The following KIAA1549 variants were observed in gnomAD, a reference collection of about 807,000 sequenced individuals.
KIAA1549 encodes KIAA1549.
A neutral mutation model predicts 156.4 loss-of-function variants in KIAA1549; 70 were observed. The ratio of observed to expected loss-of-function variants is 0.45; its 90% CI spans 0.37 to 0.55. The LOEUF is 0.55. Ranked by LOEUF, KIAA1549 falls within the 20% of genes least tolerant of loss-of-function variation. The pLI, the probability that KIAA1549 is intolerant of heterozygous loss-of-function variation, is 0.00. For missense variants in KIAA1549, 2,428 were observed against 2,540.9 expected (o/e 0.96, Z 0.96); for synonymous variants, 1,103 against 1,066.4 (o/e 1.03, Z -0.67).
intron 1 of KIAA1549, among the ~76,000 whole-genome samples, chr7:138,971,976 G>A (rs1814233614): frequency 6.6e-6 from 1 of 152,182 alleles, no homozygotes; most frequent in African/African-American, 2.4e-5. Context: ...CCTTCCTGCT[G>A]AAGGTGGAGG....
rs778886161 is a variant in KIAA1549, at chr7:138,919,004, C to T, written c.622G>A (p.Val208Met). The T allele has an allele frequency of 1.9e-6, 3 of 1,614,046 alleles. No homozygotes were observed. In the South Asian group the frequency reaches 3.3e-5, roughly 18 times the overall value. The change falls in exon 2 of 20, where the codon GTG becomes ATG. Residue 208 changes from valine to methionine, a missense_variant. Coordinates refer to ENST00000422774, the MANE Select transcript of KIAA1549 (RefSeq NM_001164665.2). ...GTTGTGTTCTGCCAGCCCGATGTCA[C>T]TTCTTCATCTTGTAAAGAAACCATG... Reference protein sequence around the residue: ...LPMVSLQDEEVTSGWQNTTRQ... With the variant: ...LPMVSLQDEEMTSGWQNTTRQ...
intron 5 of KIAA1549, among the ~76,000 whole-genome samples, chr7:138,907,504 A>G (rs1378804819): frequency 6.6e-6 from 1 of 152,230 alleles, no homozygotes; most frequent in Admixed American, 6.5e-5. Flanking sequence ...CAAAACATAC[A>G]CAAGCATGGG....
Position 138,869,609 on chromosome 7 carries a change from T to C in KIAA1549, c.4704A>G (p.Ala1568=). The C allele has an allele frequency of 1.2e-6, 2 of 1,605,020 alleles. No homozygotes were observed. The highest frequency in any genetic ancestry group is 1.7e-6 in the Non-Finnish European group (2 of 1,176,998). The change falls in exon 14 of 20, where the codon GCA becomes GCG. Residue 1568 remains alanine, a synonymous_variant. Transcript: ENST00000422774. ...TKERHRVYRR[A]QMQIDKILDP... The stretch of plus-strand genomic sequence containing the variant: ...CCAGGATCTTGTCGATCTGCATCTG[T>C]GCCCTGCGGTACACCCGGTGTCGCT...
At chr7:138,963,392 G>T (rs773710617) in intron 1 of KIAA1549, among the ~76,000 whole-genome samples, 6 of 152,194 alleles carry the variant, frequency 3.9e-5, no homozygotes, top group Non-Finnish European at 8.8e-5. Context: ...GCCTGATAGG[G>T]TACACATTCT....
chr7:138,912,431 T>G lies in KIAA1549; in HGVS notation c.2908A>C (p.Ile970Leu), dbSNP rs1480894195. 1.2e-6 allele frequency: 2 copies of G among 1,613,846 alleles called. No individual in the cohort carries two copies. Among genetic ancestry groups the G allele is most frequent in the Admixed American group, 3.3e-5 (2 of 60,022 alleles). The change falls in exon 3 of 20, where the codon ATC becomes CTC. Residue 970 changes from isoleucine to leucine, a missense_variant. Physicochemically the swap from Ile to Leu is conservative, Grantham distance 5 (BLOSUM62 2). Transcript: ENST00000422774. ...VLARRAVQEY[I>L]ITAIKEVLRI... ...AGTACTTCTTTGATTGCTGTAATGA[T>G]GTACTCCTGCACAGCTCTTCTGGCC...
intron 17 of KIAA1549, among the ~76,000 whole-genome samples, chr7:138,849,741 AAT>A (rs1207815484): frequency 6.6e-6 from 1 of 151,876 alleles, no homozygotes; most frequent in Non-Finnish European, 1.5e-5. Context: ...AGTGGGCCCC[AAT>A]GTCTGTTGTT....
At chr7:138,960,798 T>C (rs532557) in intron 1 of KIAA1549, among the ~76,000 whole-genome samples, 44,753 of 152,066 alleles carry the variant, frequency 0.29, 7,801 homozygotes, top group African/African-American at 0.5. Flanking sequence ...CGCTTTCTAA[T>C]GCCCTGTAGG....
chr7:138,963,996 A>G (rs932937354), intron 1 of KIAA1549, among the ~76,000 whole-genome samples: 41 of 152,360 alleles, frequency 2.7e-4, no homozygotes, highest in African/African-American at 8.4e-4. Context: ...TCATCATGGA[A>G]TTTTAACTTT....
chr7:138,927,832 T>C (rs1447364666), intron 1 of KIAA1549, among the ~76,000 whole-genome samples: 3 of 152,184 alleles, frequency 2.0e-5, no homozygotes, highest in Non-Finnish European at 1.5e-5. Context: ...TGAAACCTTG[T>C]GGTTTTAATT....
At chr7:138,847,471 A>G (rs574154006) in intron 17 of KIAA1549, among the ~76,000 whole-genome samples, 5 of 152,324 alleles carry the variant, frequency 3.3e-5, no homozygotes, top group South Asian at 2.1e-4. Context: ...TAGGAAGCAG[A>G]TAACATTCCT....
At chr7:138,916,451 T>G (rs939621731) in intron 2 of KIAA1549, among the ~76,000 whole-genome samples, 1 of 152,204 alleles carries the variant, frequency 6.6e-6, no homozygotes, top group African/African-American at 2.4e-5. Flanking sequence ...ATGCCTCTGA[T>G]GTACTAGGCA....
At chr7:138,847,976 T>C (rs144829893) in intron 17 of KIAA1549, among the ~76,000 whole-genome samples, 144 of 152,382 alleles carry the variant, frequency 9.4e-4, no homozygotes, top group Middle Eastern at 3.4e-3. Flanking sequence ...TTTTTTTCTT[T>C]TCTGTTTGTT....
intron 9 of KIAA1549, among the ~76,000 whole-genome samples, chr7:138,894,737 A>G (rs1811638105): frequency 6.6e-6 from 1 of 152,228 alleles, no homozygotes; most frequent in Non-Finnish European, 1.5e-5. Context: ...TCACAACGAC[A>G]TATGGATATA....
chr7:138,855,986 TTA>T (rs1810376522), intron 16 of KIAA1549, among the ~76,000 whole-genome samples: 1 of 152,090 alleles, frequency 6.6e-6, no homozygotes, highest in Non-Finnish European at 1.5e-5. Flanking sequence ...CTCCTTCCCA[TTA>T]AATTAGAAGA....
intron 1 of KIAA1549, among the ~76,000 whole-genome samples, chr7:138,941,322 A>G (rs899195168): frequency 6.6e-6 from 1 of 152,216 alleles, no homozygotes; most frequent in Non-Finnish European, 1.5e-5. Flanking sequence ...CGTTCCATAA[A>G]GATAGTAAAG....
chr7:138,917,014 G>C lies in KIAA1549; in HGVS notation c.2612C>G (p.Thr871Arg). The C allele has an allele frequency of 1.2e-6, 2 of 1,603,866 alleles. No individual in the cohort carries two copies. Among genetic ancestry groups the C allele is most frequent in the Non-Finnish European group, 1.7e-6 (2 of 1,175,140 alleles). ...TELTVVGPSL[T>R]PTEVPLNTST... is the part of the protein sequence containing the mutation. ...GGTGTTCAGTGGCACCTCTGTGGGT[G>C]TGAGTGATGGGCCCACGACGGTCAG... The change falls in exon 2 of 20, where the codon ACA becomes AGA. Residue 871 changes from threonine to arginine, a missense_variant. Around this residue, in one of 5 missense-constraint regions of KIAA1549, gnomAD observed 762 missense variants for 901.6 expected, o/e 0.85. Coordinates refer to ENST00000422774, the MANE Select transcript of KIAA1549 (RefSeq NM_001164665.2).
Position 138,832,390 on chromosome 7 carries a change from G to A in KIAA1549, c.*5516C>T, listed in dbSNP as rs2130306298. On this transcript the variant is annotated 3_prime_UTR_variant, in exon 20 of 20. Transcript: ENST00000422774. ...TTTTAAATTTTTTTTGTAGAGACGG[G>A]GTCTCGTTATGTTGCCCAAGGTGGT... 1 of 189,720 alleles carries A rather than the reference G, an allele frequency of 5.3e-6. No individual in the cohort carries two copies. The highest frequency in any genetic ancestry group is 8.4e-5 in the East Asian group (1 of 11,966). 11.8% of individuals were successfully genotyped at this position (189,720 alleles called of 1,614,324 possible).
At chr7:138,887,538 C>T (rs961739519) in intron 10 of KIAA1549, among the ~76,000 whole-genome samples, 2 of 152,074 alleles carry the variant, frequency 1.3e-5, no homozygotes, top group African/African-American at 4.8e-5. Context: ...GAGAGCTGTC[C>T]AGCATGTGCC....
chr7:138,970,576 T>G (rs1814189599), intron 1 of KIAA1549, among the ~76,000 whole-genome samples: 1 of 152,228 alleles, frequency 6.6e-6, no homozygotes, highest in Non-Finnish European at 1.5e-5. Flanking sequence ...AGCTTTGGTG[T>G]GCACACAAGT....
Sources: gnomAD v4.1 joint callset for allele counts (sites outside exome capture counted in the v4.1 genomes callset) on GRCh38, gnomAD v4.1.1 for gene constraint, gnomAD v4.1.1 regional missense constraint, MANE v1.5 for transcripts, NCBI Gene and HGNC (gene_info 2026-07-23, HGNC 2026-07-21) for gene names.